Variants in BCAS3 observed in about 807,000 individuals in gnomAD.
BCAS3 encodes the protein BCAS3 microtubule associated cell migration factor.
In BCAS3, 53 loss-of-function variants were observed where a neutral mutation model predicts 116.1. That is an observed-to-expected ratio of 0.46 (90% confidence interval 0.37 to 0.57). The LOEUF is 0.57. Ranked by LOEUF, BCAS3 falls within the 20% of genes least tolerant of loss-of-function variation. The pLI, the probability that BCAS3 is intolerant of heterozygous loss-of-function variation, is 0.00. For missense variants in BCAS3, 917 were observed against 1,165.4 expected (o/e 0.79, Z 3.10); for synonymous variants, 391 against 408.2 (o/e 0.96, Z 0.51).
chr17:60,707,284 C>T lies in BCAS3; in HGVS notation c.215-1935C>T, dbSNP rs146738057. Among the ~76,000 whole-genome samples the T allele has an allele frequency of 3.8e-3, 572 of 151,954 alleles. 8 individuals are homozygous for T. Among genetic ancestry groups the T allele is most frequent in the African/African-American group, 0.013 (532 of 41,452 alleles). On this transcript the variant is annotated intron_variant, in intron 4 of 23. Transcript: ENST00000407086. ...CTGGGATTACAGGTGTGAGCCACCA[C>T]GCCCGGCCAATTTTTGTATTTTTTG... is the stretch of plus-strand genomic sequence containing the variant.
chr17:60,997,754 TTCTC>T (rs2063935865), intron 15 of BCAS3, among the ~76,000 whole-genome samples: 1 of 152,230 alleles, frequency 6.6e-6, no homozygotes, highest in African/African-American at 2.4e-5. Context: ...GTGATGTACT[TTCTC>T]TCTCTAAAAA....
At chr17:60,721,068 A>G (rs2039187020) in intron 5 of BCAS3, among the ~76,000 whole-genome samples, 1 of 152,142 alleles carries the variant, frequency 6.6e-6, no homozygotes, top group Non-Finnish European at 1.5e-5. Context: ...GGCATTCTTG[A>G]GGTAAATGCC....
rs58589853 is a variant in BCAS3 at position 61,388,959 on chromosome 17, ATCATTCATTCATTCATTCATTCAT to A, written c.2594-2997_2594-2974del. On this transcript the variant is annotated intron_variant, in intron 23 of 23. Coordinates refer to ENST00000407086, the MANE Select transcript of BCAS3 (RefSeq NM_017679.5). This position sits in a 1 kb window ranked among gnomAD's most constrained non-coding sequence, Gnocchi z 6.5. ...ATGGGCCCCCACCTCCCCTTACCACATCATTCATTCATTCATTCATTCATTCATTCATTCATTCATTCATGCTAG... is the reference window on the plus strand; with the variant it reads ...ATGGGCCCCCACCTCCCCTTACCACATCATTCATTCATTCATTCATGCTAG... The A allele has an allele frequency of 3.5e-3, 1,048 of 303,696 alleles. 13 individuals carry two copies. The highest frequency in any genetic ancestry group is 0.021 in the African/African-American group (955 of 46,262). The allele number at this position is 303,696 out of a possible 1,614,324, so 18.8% of individuals were successfully genotyped here.
rs141557149 is a variant in BCAS3 at position 60,681,171 on chromosome 17, C to T, written c.83+1631C>T. On this transcript the variant is annotated intron_variant, in intron 2 of 23. Transcript: ENST00000407086. Reference sequence around the variant, plus strand: ...GGTAAGCTGTGATTGTGCCATTACACTCCAGCCTAGGTGACAGAGTGAGAC... The same window carrying T: ...GGTAAGCTGTGATTGTGCCATTACATTCCAGCCTAGGTGACAGAGTGAGAC... Among the ~76,000 whole-genome samples, 180 of 152,278 alleles carry T rather than the reference C, an allele frequency of 1.2e-3. 1 individual carries two copies. The highest frequency in any genetic ancestry group is 4.1e-3 in the African/African-American group (172 of 41,560).
At chr17:60,907,091 C>T (rs535783211) in intron 11 of BCAS3, among the ~76,000 whole-genome samples, 2 of 152,004 alleles carry the variant, frequency 1.3e-5, no homozygotes, top group South Asian at 4.2e-4. Context: ...ACTTGGAGCT[C>T]CTTAGAGGAA....
chr17:61,147,521 G>T (rs1303050713), intron 22 of BCAS3, among the ~76,000 whole-genome samples: 3 of 152,152 alleles, frequency 2.0e-5, no homozygotes, highest in Non-Finnish European at 4.4e-5. Flanking sequence ...TTGTACCTGG[G>T]CCAACAGGTG....
At chr17:60,842,850 G>A (rs1330585803) in intron 7 of BCAS3, among the ~76,000 whole-genome samples, 2 of 150,922 alleles carry the variant, frequency 1.3e-5, no homozygotes, top group Non-Finnish European at 3.0e-5. Context: ...GTTGGGTTTT[G>A]CATTCTCTTA....
rs1458229522 is a variant in BCAS3, at chr17:61,200,413, A to G, written c.2425+115849A>G. On this transcript the variant is annotated intron_variant, in intron 22 of 23. Coordinates refer to ENST00000407086, the MANE Select transcript of BCAS3 (RefSeq NM_017679.5). This position sits in a 1 kb window ranked among gnomAD's most constrained non-coding sequence, Gnocchi z 5.1. ...AAGCATTATTTATTATTTTATAGCC[A>G]TAGCAACTTGGTAAAGGAGAGATTA... Among the ~76,000 whole-genome samples the G allele has an allele frequency of 2.0e-5, 3 of 152,264 alleles. No individual in the cohort carries two copies. The highest frequency in any genetic ancestry group is 6.5e-5 in the Admixed American group (1 of 15,288).
At chr17:61,000,620 C>G (rs1440488245) in intron 15 of BCAS3, among the ~76,000 whole-genome samples, 1 of 151,992 alleles carries the variant, frequency 6.6e-6, no homozygotes, top group Non-Finnish European at 1.5e-5. Flanking sequence ...ATGTGAGAGT[C>G]TATAGAACTG....
intron 7 of BCAS3, among the ~76,000 whole-genome samples, chr17:60,835,644 A>G (rs1206800510): frequency 6.6e-6 from 1 of 152,100 alleles, no homozygotes; most frequent in Non-Finnish European, 1.5e-5. Context: ...TTATCAGGCC[A>G]TGGTTGCTGC....
chr17:60,986,364 G>A (rs570929902), intron 14 of BCAS3, among the ~76,000 whole-genome samples: 12 of 152,238 alleles, frequency 7.9e-5, no homozygotes, highest in African/African-American at 1.9e-4. Flanking sequence ...CCTAGCAGGG[G>A]AATTGCTGGA....
At position 60,692,710 on chromosome 17, in the gene BCAS3, G is replaced by A. The variant is rs550983809; in HGVS notation, c.214+2949G>A. ...GATGTCACCACTGCACTTCAGCCTGGGCAACAGAGCGAGACTCCATCTCAA... is the reference window on the plus strand; with the variant it reads ...GATGTCACCACTGCACTTCAGCCTGAGCAACAGAGCGAGACTCCATCTCAA... On this transcript the variant is annotated intron_variant, in intron 4 of 23. Transcript: ENST00000407086. 4.8e-5 allele frequency among the ~76,000 whole-genome samples: 7 copies of A among 146,654 alleles called. No individual in the cohort carries two copies. In the East Asian group the frequency reaches 1.4e-3, roughly 30 times the overall value.
At chr17:60,737,342 CTT>C (rs1188578374) in intron 5 of BCAS3, among the ~76,000 whole-genome samples, 2 of 152,186 alleles carry the variant, frequency 1.3e-5, no homozygotes, top group African/African-American at 2.4e-5. Context: ...AAAGAACCAG[CTT>C]TTGGTTTCAT....
In BCAS3 at chr17:60,766,905, C is replaced by T. The variant is rs187925337; in HGVS notation, c.403+19626C>T. Among the ~76,000 whole-genome samples the T allele has an allele frequency of 2.0e-4, 30 of 152,336 alleles. No homozygotes were observed. The East Asian group carries it at 4.4e-3, about 23-fold the overall frequency. On this transcript the variant is annotated intron_variant, in intron 6 of 23. Transcript: ENST00000407086. ...TTACCTACTCTAGCCTCAGCAATGG[C>T]GGATGCCCCTCCCCCAGCCAGGCTT...
intron 5 of BCAS3, among the ~76,000 whole-genome samples, chr17:60,734,434 A>G (rs1421196848): frequency 6.6e-6 from 1 of 152,060 alleles, no homozygotes; most frequent in East Asian, 1.9e-4. Flanking sequence ...CCAGACTCCT[A>G]TATTATTTTT....
chr17:61,043,731 T>G (rs2143064580), intron 19 of BCAS3, among the ~76,000 whole-genome samples: 1 of 152,150 alleles, frequency 6.6e-6, no homozygotes, highest in Non-Finnish European at 1.5e-5. Context: ...CCTTGCACCC[T>G]GAGCTGCCAG....
Position 61,023,145 on chromosome 17 carries a change from G to A in BCAS3, c.1637+7244G>A, listed in dbSNP as rs1173380959. On this transcript the variant is annotated intron_variant, in intron 16 of 23. Transcript: ENST00000407086. This position sits in a 1 kb window ranked among gnomAD's most constrained non-coding sequence, Gnocchi z 4.8. ...AAAATGATATTAGGAATAATTTACTGATATGCATGTGGGAAATGCAAGTTC... is the reference window on the plus strand; with the variant it reads ...AAAATGATATTAGGAATAATTTACTAATATGCATGTGGGAAATGCAAGTTC... Among the ~76,000 whole-genome samples the A allele has an allele frequency of 6.6e-6, 1 of 152,150 alleles. No individual in the cohort carries two copies. Among genetic ancestry groups the A allele is most frequent in the South Asian group, 2.1e-4 (1 of 4,828 alleles).
chr17:60,997,049 G>A (rs948483700), intron 15 of BCAS3, among the ~76,000 whole-genome samples: 16 of 152,246 alleles, frequency 1.1e-4, no homozygotes, highest in African/African-American at 3.4e-4. Context: ...GGGATTAAAC[G>A]GTTCCATCTG....
rs1602763107 is a variant in BCAS3 at position 61,333,849 on chromosome 17, A to G, written c.2426-34478A>G. Reference sequence around the variant, plus strand: ...TGGCCAAGCCGGTCTCAAACTCCTTACCTCAAGTGATCCGCCCATCTCGGC... The same window carrying G: ...TGGCCAAGCCGGTCTCAAACTCCTTGCCTCAAGTGATCCGCCCATCTCGGC... On this transcript the variant is annotated intron_variant, in intron 22 of 23. Transcript: ENST00000407086. The surrounding 1 kb of genome is among the most constrained non-coding windows in gnomAD (Gnocchi z 4.8). Among the ~76,000 whole-genome samples the G allele has an allele frequency of 6.6e-6, 1 of 151,962 alleles. No individual in the cohort carries two copies. Among genetic ancestry groups the G allele is most frequent in the East Asian group, 1.9e-4 (1 of 5,188 alleles).
Sources: gnomAD v4.1 joint callset for allele counts (sites outside exome capture counted in the v4.1 genomes callset) on GRCh38, gnomAD v4.1.1 for gene constraint, Gnocchi (gnomAD v3.1) non-coding constraint, MANE v1.5 for transcripts, NCBI Gene and HGNC (gene_info 2026-07-23, HGNC 2026-07-21) for gene names.